IL16: variants seen among roughly 807,000 people sequenced by gnomAD.
The protein encoded by IL16 is pro-interleukin-16.
A neutral mutation model predicts 110.1 loss-of-function variants in IL16; 67 were observed. The ratio of observed to expected loss-of-function variants is 0.61; its 90% CI spans 0.50 to 0.75. IL16 has a LOEUF of 0.75. IL16 is among the 30% of genes least tolerant of loss of function. IL16 has a pLI of 0.00. For synonymous variants in IL16, 689 were observed against 662.9 expected (o/e 1.04, Z -0.61); for missense variants, 1,545 against 1,655.0 (o/e 0.93, Z 1.15).
chr15:81,300,145 C>A lies in IL16; in HGVS notation c.2819C>A (p.Pro940Gln), dbSNP rs372666112. The A allele has an allele frequency of 4.3e-6, 7 of 1,611,310 alleles. No homozygotes were observed. The highest frequency in any genetic ancestry group is 2.2e-5 in the East Asian group (1 of 44,828). Residue 940 changes from proline (P) to glutamine (Q), a missense_variant, in exon 14 of 19, where the codon CCG becomes CAG. Around this residue, in one of 3 missense-constraint regions of IL16, gnomAD observed 1,185 missense variants for 1,238.8 expected, o/e 0.96. Transcript: ENST00000683961. ...NQKTLPPGPD[P>Q]LLRLLSTQAE... ...AAAACTCTCCCCCCTGGCCCGGACC[C>A]GCTCCTAAGGCTGCTGTCAACACAG...
At chr15:81,274,009 G>A (rs892248951) in intron 6 of IL16, among the ~76,000 whole-genome samples, 2 of 149,508 alleles carry the variant, frequency 1.3e-5, no homozygotes, top group African/African-American at 5.0e-5. Context: ...TTTCAACTCA[G>A]GAGGCAAAGT....
At position 81,201,910 on chromosome 15, in the gene IL16, C is replaced by T. The variant is rs146326048; in HGVS notation, c.-102+4758C>T. ...AACCTCATTCTTCTCCATATCTCAA[C>T]AGTATTCCATGTATCTTGATGATCA... On this transcript the variant is annotated intron_variant, in intron 1 of 18. Transcript: ENST00000683961. 1.7e-4 allele frequency among the ~76,000 whole-genome samples: 26 copies of T among 152,326 alleles called. No homozygotes were observed. In the East Asian group the frequency reaches 5.0e-3, roughly 29 times the overall value.
rs542067104 is a variant in IL16, at chr15:81,248,865, C to T, written c.313-10907C>T. On this transcript the variant is annotated intron_variant, in intron 2 of 18. Coordinates refer to ENST00000683961, the MANE Select transcript of IL16 (RefSeq NM_172217.5). ...CCTCCCAAGTGGCTGGGATTACAGGCGCCCACCACCACACCTTGCTAATTT... is the reference window on the plus strand; with the variant it reads ...CCTCCCAAGTGGCTGGGATTACAGGTGCCCACCACCACACCTTGCTAATTT... Among the ~76,000 whole-genome samples, 8 of 151,778 alleles carry T rather than the reference C, an allele frequency of 5.3e-5. No individual in the cohort carries two copies. The East Asian group carries it at 1.2e-3, about 22-fold the overall frequency.
intron 3 of IL16, among the ~76,000 whole-genome samples, chr15:81,264,791 G>T (rs1444557723): frequency 6.6e-6 from 1 of 152,132 alleles, no homozygotes; most frequent in Non-Finnish European, 1.5e-5. Flanking sequence ...AGTGCAAGAA[G>T]AAAAGGATGT....
intron 8 of IL16, among the ~76,000 whole-genome samples, chr15:81,280,080 C>T (rs1402196298): frequency 6.6e-6 from 1 of 152,202 alleles, no homozygotes; most frequent in African/African-American, 2.4e-5. Flanking sequence ...GGTAGCTCTG[C>T]AGTAAATATG....
At chr15:81,197,595 G>A (rs1895643637) in intron 1 of IL16, among the ~76,000 whole-genome samples, 1 of 152,178 alleles carries the variant, frequency 6.6e-6, no homozygotes, top group South Asian at 2.1e-4. Context: ...AGTGGGCACA[G>A]CGGGTGGGCA....
chr15:81,229,562 C>T (rs1356039298), intron 2 of IL16, among the ~76,000 whole-genome samples: 1 of 152,004 alleles, frequency 6.6e-6, no homozygotes, highest in East Asian at 1.9e-4. Flanking sequence ...TACAGGTGAT[C>T]CTTAAAGATC....
intron 2 of IL16, among the ~76,000 whole-genome samples, chr15:81,229,531 CTTG>C (rs1896902057): frequency 6.6e-6 from 1 of 152,032 alleles, no homozygotes; most frequent in African/African-American, 2.4e-5. Context: ...CCTGAGCTCT[CTTG>C]TTCTTTTTTT....
At chr15:81,275,837 G>A (rs1898886537) in intron 6 of IL16, among the ~76,000 whole-genome samples, 1 of 152,152 alleles carries the variant, frequency 6.6e-6, no homozygotes, top group South Asian at 2.1e-4. Context: ...ACAAAAGTTT[G>A]GTGTACAGAT....
At chr15:81,279,144 G>T (rs938336222) in intron 7 of IL16, among the ~76,000 whole-genome samples, 1 of 152,150 alleles carries the variant, frequency 6.6e-6, no homozygotes, top group Admixed American at 6.5e-5. Flanking sequence ...ATTTATCATG[G>T]TATATTTACA....
At chr15:81,287,476 C>A (rs1899503246) in intron 10 of IL16, among the ~76,000 whole-genome samples, 1 of 152,172 alleles carries the variant, frequency 6.6e-6, no homozygotes, top group Non-Finnish European at 1.5e-5. Context: ...CTGGAATAAT[C>A]ACCACAAAGA....
chr15:81,231,290 G>A (rs1391513020), intron 2 of IL16, among the ~76,000 whole-genome samples: 1 of 148,662 alleles, frequency 6.7e-6, no homozygotes, highest in African/African-American at 2.5e-5. Context: ...AGGAGAGGAG[G>A]GGAGGGGAGG....
intron 4 of IL16, among the ~76,000 whole-genome samples, chr15:81,267,505 C>CACACACACAG (rs1555420217): frequency 3.7e-5 from 5 of 136,316 alleles, no homozygotes; most frequent in South Asian, 2.1e-4. Context: ...CACACACACA[C>CACACACACAG]AGAGAGAGCG....
chr15:81,205,795 C>A (rs915478155), intron 1 of IL16, among the ~76,000 whole-genome samples: 1 of 152,022 alleles, frequency 6.6e-6, no homozygotes, highest in South Asian at 2.1e-4. Flanking sequence ...AACTTAATCA[C>A]ATAAAGTTAC....
At chr15:81,280,142 AC>A (rs1232051396) in intron 8 of IL16, among the ~76,000 whole-genome samples, 2 of 152,144 alleles carry the variant, frequency 1.3e-5, no homozygotes, top group Non-Finnish European at 2.9e-5. Context: ...CAGTTTCCCT[AC>A]CTGTGGCAGA....
At chr15:81,203,199 T>C (rs1298947867) in intron 1 of IL16, among the ~76,000 whole-genome samples, 1 of 150,910 alleles carries the variant, frequency 6.6e-6, no homozygotes, top group Non-Finnish European at 1.5e-5. Context: ...TTGTTTGAGT[T>C]CATTGTAGAT....
At chr15:81,201,606 CTTTTT>C (rs974798781) in intron 1 of IL16, among the ~76,000 whole-genome samples, 1 of 152,078 alleles carries the variant, frequency 6.6e-6, no homozygotes, top group Non-Finnish European at 1.5e-5. Flanking sequence ...GTTTTTCCCT[CTTTTT>C]CTTTTTAGGT....
chr15:81,287,311 G>C (rs2142333421), intron 10 of IL16, among the ~76,000 whole-genome samples: 1 of 152,352 alleles, frequency 6.6e-6, no homozygotes, highest in South Asian at 2.1e-4. Context: ...TGATCTTACT[G>C]TGGGACATAG....
At chr15:81,294,931 C>A (rs1362326986) in intron 12 of IL16, among the ~76,000 whole-genome samples, 3 of 152,166 alleles carry the variant, frequency 2.0e-5, no homozygotes, top group Non-Finnish European at 4.4e-5. Flanking sequence ...TCCCTCCCTG[C>A]AGTCTTTTCT....
Sources: allele counts gnomAD v4.1 joint callset (sites outside exome capture counted in the v4.1 genomes callset), GRCh38; gene constraint gnomAD v4.1.1; regional missense constraint gnomAD v4.1.1; transcripts MANE v1.5; gene names NCBI Gene and HGNC (gene_info 2026-07-23, HGNC 2026-07-21).